LRRC4C: variants seen among roughly 807,000 people sequenced by gnomAD.
LRRC4C encodes leucine rich repeat containing 4C.
A neutral mutation model predicts 33.6 loss-of-function variants in LRRC4C; 5 were observed. The ratio of observed to expected loss-of-function variants is 0.15; its 90% CI spans 0.08 to 0.31. LRRC4C has a LOEUF of 0.31. LRRC4C is among the 10% of genes least tolerant of loss of function. The probability of loss-of-function intolerance (pLI) is 1.00; values close to 1 mark genes in which losing one functional copy is unlikely to be tolerated. For synonymous variants in LRRC4C, 329 were observed against 302.0 expected (o/e 1.09, Z -0.93); for missense variants, 560 against 796.7 (o/e 0.70, Z 3.58).
chr11:41,279,063 G>A (rs1456929897), intron 1 of LRRC4C, among the ~76,000 whole-genome samples: 1 of 152,142 alleles, frequency 6.6e-6, no homozygotes. Flanking sequence ...TGTGGCATTT[G>A]GTTTTCTGTT....
chr11:40,624,342 C>G (rs1259152550), intron 3 of LRRC4C, among the ~76,000 whole-genome samples: 1 of 152,104 alleles, frequency 6.6e-6, no homozygotes, highest in Non-Finnish European at 1.5e-5. Flanking sequence ...TCCCCCATTA[C>G]TAATTCCACC....
At chr11:40,587,000 A>C (rs1958787245) in intron 3 of LRRC4C, among the ~76,000 whole-genome samples, 1 of 151,848 alleles carries the variant, frequency 6.6e-6, no homozygotes, top group Non-Finnish European at 1.5e-5. Context: ...AGTTTTTTCC[A>C]ATTCTGTGAA....
chr11:40,677,583 G>C (rs1201709292), intron 2 of LRRC4C, among the ~76,000 whole-genome samples: 4 of 152,056 alleles, frequency 2.6e-5, no homozygotes, highest in African/African-American at 4.8e-5. Context: ...TAGGAGGAAG[G>C]GTTTGCATAA....
At chr11:41,449,200 T>G (rs925917210) in intron 1 of LRRC4C, among the ~76,000 whole-genome samples, 2 of 152,118 alleles carry the variant, frequency 1.3e-5, no homozygotes, top group Non-Finnish European at 2.9e-5. Flanking sequence ...GAGCAAAGGA[T>G]GTAGATTTGA....
At chr11:41,277,474 T>G (rs935395439) in intron 1 of LRRC4C, among the ~76,000 whole-genome samples, 4 of 152,184 alleles carry the variant, frequency 2.6e-5, no homozygotes, top group Admixed American at 2.0e-4. Flanking sequence ...TCCATACTGA[T>G]TGTCAGAAGT....
At chr11:40,573,319 C>T (rs1188411056) in intron 3 of LRRC4C, among the ~76,000 whole-genome samples, 3 of 152,160 alleles carry the variant, frequency 2.0e-5, no homozygotes, top group East Asian at 1.9e-4. Flanking sequence ...TTTTAAAAAT[C>T]GTCTCTATCT....
At chr11:40,560,004 T>C (rs1957485800) in intron 3 of LRRC4C, among the ~76,000 whole-genome samples, 1 of 152,174 alleles carries the variant, frequency 6.6e-6, no homozygotes, top group Admixed American at 6.5e-5. Context: ...GTCTTGATCT[T>C]CTTAGAGTAA....
intron 1 of LRRC4C, among the ~76,000 whole-genome samples, chr11:41,453,030 T>C (rs1956074157): frequency 6.6e-6 from 1 of 152,068 alleles, no homozygotes; most frequent in African/African-American, 2.4e-5. Context: ...TTTACAACAC[T>C]ACAAGGTAAG....
At chr11:40,924,352 C>T (rs949547857) in intron 2 of LRRC4C, among the ~76,000 whole-genome samples, 10 of 151,894 alleles carry the variant, frequency 6.6e-5, no homozygotes, top group African/African-American at 2.4e-4. Flanking sequence ...CTTACATGCT[C>T]ATTATTCAGC....
chr11:40,813,469 A>G (rs896169957), intron 2 of LRRC4C, among the ~76,000 whole-genome samples: 31 of 152,108 alleles, frequency 2.0e-4, no homozygotes, highest in African/African-American at 6.8e-4. Context: ...TGATTCAATT[A>G]TCTATACCTG....
intron 2 of LRRC4C, among the ~76,000 whole-genome samples, chr11:40,656,786 C>G (rs538535178): frequency 6.6e-6 from 1 of 152,142 alleles, no homozygotes; most frequent in Non-Finnish European, 1.5e-5. Context: ...ATCTGTTGAT[C>G]TTTTTGTTAA....
At chr11:40,491,842 A>G (rs1954175778) in intron 3 of LRRC4C, among the ~76,000 whole-genome samples, 1 of 152,158 alleles carries the variant, frequency 6.6e-6, no homozygotes, top group Non-Finnish European at 1.5e-5. Context: ...AGTCCCACCT[A>G]TTTTCACAGA....
Position 40,499,230 on chromosome 11 carries a change from G to A in LRRC4C, c.-270+148912C>T, listed in dbSNP as rs552143920. On this transcript the variant is annotated intron_variant, in intron 3 of 6. Transcript: ENST00000528697. ...AGCTCTTAGGTGAACAGCATGTCTC[G>A]GCTGTGCTGTCCAAAGAAATAACCT... is the stretch of plus-strand genomic sequence containing the variant. 8.5e-5 allele frequency among the ~76,000 whole-genome samples: 13 copies of A among 152,184 alleles called. No individual in the cohort carries two copies. In the East Asian group the frequency reaches 1.9e-3, roughly 23 times the overall value.
At chr11:40,696,701 T>C (rs1945553827) in intron 2 of LRRC4C, among the ~76,000 whole-genome samples, 2 of 147,194 alleles carry the variant, frequency 1.4e-5, no homozygotes, top group Admixed American at 6.8e-5. Flanking sequence ...GTTGCACCTA[T>C]ACATTGCAGC....
intron 1 of LRRC4C, among the ~76,000 whole-genome samples, chr11:41,446,830 C>A (rs1273394086): frequency 6.6e-6 from 1 of 152,106 alleles, no homozygotes; most frequent in African/African-American, 2.4e-5. Context: ...GGCCCCTTTC[C>A]TTACCAAGGA....
intron 1 of LRRC4C, among the ~76,000 whole-genome samples, chr11:41,398,261 G>T (rs1156529824): frequency 1.3e-5 from 2 of 151,862 alleles, no homozygotes; most frequent in African/African-American, 4.8e-5. Context: ...ACAGCATTTT[G>T]CACACTTTTT....
chr11:40,525,671 C>T (rs1006552806), intron 3 of LRRC4C, among the ~76,000 whole-genome samples: 2 of 151,920 alleles, frequency 1.3e-5, no homozygotes, highest in Admixed American at 1.3e-4. Flanking sequence ...GAAATAATTT[C>T]TCTTTAAAAC....
intron 3 of LRRC4C, among the ~76,000 whole-genome samples, chr11:40,588,739 G>T (rs1201579159): frequency 6.6e-6 from 1 of 152,202 alleles, no homozygotes; most frequent in Non-Finnish European, 1.5e-5. Context: ...TCGGTACCCA[G>T]TAGTCGTTCA....
chr11:41,251,100 C>G (rs934069397), intron 1 of LRRC4C, among the ~76,000 whole-genome samples: 1 of 152,082 alleles, frequency 6.6e-6, no homozygotes, highest in East Asian at 1.9e-4. Flanking sequence ...CAATACAAAA[C>G]CCCAAACCTC....
Sources: allele counts gnomAD v4.1 joint callset (sites outside exome capture counted in the v4.1 genomes callset), GRCh38; gene constraint gnomAD v4.1.1; transcripts MANE v1.5; gene names NCBI Gene and HGNC (gene_info 2026-07-23, HGNC 2026-07-21).